PIGN: variants seen among roughly 807,000 people sequenced by gnomAD.
The protein encoded by PIGN is phosphatidylinositol glycan anchor biosynthesis class N.
Under a neutral mutation model 125.4 loss-of-function variants are expected in PIGN, and 117 were observed. The observed-to-expected ratio is 0.93, with a 90% CI of 0.80 to 1.09. The LOEUF (loss-of-function observed/expected upper bound fraction) is 1.09, where lower values mean the gene tolerates loss of function less well. Ranked by LOEUF, PIGN falls within the 50% of genes least tolerant of loss-of-function variation. The pLI is 0.00. For missense variants in PIGN, 1,075 were observed against 1,094.9 expected (o/e 0.98, Z 0.26); for synonymous variants, 392 against 377.8 (o/e 1.04, Z -0.44).
chr18:62,109,119 G>A (rs1330212745), intron 17 of PIGN, among the ~76,000 whole-genome samples: 1 of 152,102 alleles, frequency 6.6e-6, no homozygotes, highest in African/African-American at 2.4e-5. Context: ...TAGATTACTG[G>A]TGTAAAAATA....
At chr18:62,078,105 C>A (rs2033265357) in intron 28 of PIGN, among the ~76,000 whole-genome samples, 1 of 152,124 alleles carries the variant, frequency 6.6e-6, no homozygotes. Context: ...GGGGTCAGGA[C>A]TTCAACATAA....
At chr18:62,181,777 A>G (rs1406114684) in intron 1 of PIGN, among the ~76,000 whole-genome samples, 1 of 152,022 alleles carries the variant, frequency 6.6e-6, no homozygotes, top group Non-Finnish European at 1.5e-5. Flanking sequence ...CCCAGGCTGG[A>G]GTGCAGTGGC....
At chr18:62,086,222 G>A (rs751906792) in intron 25 of PIGN, among the ~76,000 whole-genome samples, 4 of 152,152 alleles carry the variant, frequency 2.6e-5, no homozygotes, top group Non-Finnish European at 5.9e-5. Context: ...AAATGACAAC[G>A]CCAAGAAAGA....
At chr18:62,054,257 A>T (rs533334121) in intron 30 of PIGN, among the ~76,000 whole-genome samples, 49 of 152,216 alleles carry the variant, frequency 3.2e-4, no homozygotes, top group African/African-American at 1.1e-3. Flanking sequence ...AAATGTAAAA[A>T]CATAAACATT....
chr18:62,182,179 C>G (rs1395447051), intron 1 of PIGN, among the ~76,000 whole-genome samples: 2 of 152,186 alleles, frequency 1.3e-5, no homozygotes, highest in Non-Finnish European at 2.9e-5. Flanking sequence ...GTCTTTTCTT[C>G]TCACTCTATA....
In PIGN at chr18:62,047,137, CA is replaced by C. The variant is rs1448494432; in HGVS notation, c.2673-1159del. ...TATTAACTGATCTACTTCAGCCAAACACCACAGAAAAAATGTGGCTCCACCC... is the reference window on the plus strand; with the variant it reads ...TATTAACTGATCTACTTCAGCCAAACCCACAGAAAAAATGTGGCTCCACCC... On this transcript the variant is annotated intron_variant, in intron 30 of 30. Transcript: ENST00000640252. 2.0e-5 allele frequency among the ~76,000 whole-genome samples: 3 copies of C among 152,374 alleles called. No homozygotes were observed. In the East Asian group the frequency reaches 5.8e-4, roughly 29 times the overall value.
chr18:62,090,971 A>G (rs943786129), intron 23 of PIGN, among the ~76,000 whole-genome samples: 21 of 152,218 alleles, frequency 1.4e-4, no homozygotes, highest in African/African-American at 4.8e-4. Flanking sequence ...CGCAACAAGA[A>G]CACAAACACG....
chr18:62,046,014 G>A (rs543928439), intron 30 of PIGN, 35 bp from the exon 31 acceptor site: 2 of 1,597,270 alleles, frequency 1.3e-6, no homozygotes, highest in African/African-American at 2.7e-5. Context: ...CAGGCAGAGA[G>A]AACACAGGTG....
At chr18:62,129,550 G>A (rs565882306) in intron 14 of PIGN, among the ~76,000 whole-genome samples, 17 of 152,190 alleles carry the variant, frequency 1.1e-4, no homozygotes, top group African/African-American at 3.9e-4. Context: ...CTGTGGGTTT[G>A]GTGCTCCTCA....
intron 23 of PIGN, among the ~76,000 whole-genome samples, chr18:62,092,532 G>T (rs528135162): frequency 1.3e-5 from 2 of 151,962 alleles, no homozygotes; most frequent in East Asian, 3.9e-4. Flanking sequence ...TCCATATCAT[G>T]AAATATTAAA....
intron 16 of PIGN, among the ~76,000 whole-genome samples, chr18:62,111,936 T>C (rs968384494): frequency 6.6e-6 from 1 of 152,158 alleles, no homozygotes; most frequent in Non-Finnish European, 1.5e-5. Context: ...CATATCAATA[T>C]AAAAACATAT....
intron 7 of PIGN, among the ~76,000 whole-genome samples, chr18:62,150,745 G>C (rs2036505316): frequency 6.6e-6 from 1 of 152,128 alleles, no homozygotes; most frequent in Non-Finnish European, 1.5e-5. Context: ...CTGTCGCCAG[G>C]CTGGAGTGCA....
At chr18:62,145,165 C>A (rs2036277763) in intron 10 of PIGN, among the ~76,000 whole-genome samples, 1 of 152,074 alleles carries the variant, frequency 6.6e-6, no homozygotes, top group Non-Finnish European at 1.5e-5. Flanking sequence ...AAAGCAGGGG[C>A]TATCTCAAAG....
At chr18:62,081,410 T>C (rs766279204) in intron 28 of PIGN, among the ~76,000 whole-genome samples, 4 of 152,088 alleles carry the variant, frequency 2.6e-5, no homozygotes, top group Non-Finnish European at 5.9e-5. Flanking sequence ...ATGTGTGACA[T>C]TAAATTTGAT....
chr18:62,054,155 T>A (rs987469667), intron 30 of PIGN, among the ~76,000 whole-genome samples: 3 of 152,050 alleles, frequency 2.0e-5, no homozygotes, highest in African/African-American at 7.2e-5. Flanking sequence ...TGAAAGAGTG[T>A]AAACCATATA....
At chr18:62,039,515 C>T (rs1407744512), downstream of PIGN, among the ~76,000 whole-genome samples, 5 of 142,044 alleles carry the variant, frequency 3.5e-5, no homozygotes, top group South Asian at 2.3e-4. Flanking sequence ...ATGTTTAGGG[C>T]CCCATCCAGG....
At position 62,021,076 on chromosome 18, in the gene PIGN, G is replaced by A. The variant is rs191676434; in HGVS notation, c.2143-3335C>T. ...AATAAAAAATGGTACCACCACTTTGGAATATAGTTTGGAAATTTCTTTTTA... is the reference window on the plus strand; with the variant it reads ...AATAAAAAATGGTACCACCACTTTGAAATATAGTTTGGAAATTTCTTTTTA... On this transcript the variant is annotated intron_variant, in intron 23 of 24. Transcript: ENST00000639600. 2.9e-3 allele frequency among the ~76,000 whole-genome samples: 443 copies of A among 152,136 alleles called. 2 individuals are homozygous for A. Among genetic ancestry groups the A allele is most frequent in the Non-Finnish European group, 5.3e-3 (360 of 67,992 alleles).
chr18:62,023,085 G>A (rs1042690279), intron 23 of PIGN, among the ~76,000 whole-genome samples: 15 of 152,100 alleles, frequency 9.9e-5, no homozygotes, highest in Non-Finnish European at 1.5e-4. Flanking sequence ...TTTTTGATCC[G>A]CTATTGGTTG....
At chr18:62,127,604 T>C (rs912503313) in intron 14 of PIGN, among the ~76,000 whole-genome samples, 3 of 152,174 alleles carry the variant, frequency 2.0e-5, no homozygotes, top group African/African-American at 7.2e-5. Context: ...ATAATAACTG[T>C]GAGCGGGTAG....
Sources: allele counts gnomAD v4.1 joint callset (sites outside exome capture counted in the v4.1 genomes callset), GRCh38; gene constraint gnomAD v4.1.1; transcripts MANE v1.5; gene names NCBI Gene and HGNC (gene_info 2026-07-23, HGNC 2026-07-21).